XRCC4: variants seen among roughly 807,000 people sequenced by gnomAD.
The protein encoded by XRCC4 is X-ray repair cross complementing 4.
In XRCC4, 28 loss-of-function variants were observed where a neutral mutation model predicts 39.1. The observed-to-expected ratio is 0.72, with a 90% CI of 0.53 to 0.98. XRCC4 has a LOEUF of 0.98. Among genes scored for constraint, XRCC4 ranks in the 50% least tolerant of loss-of-function variants. XRCC4 has a pLI of 0.00. For synonymous variants in XRCC4, 123 were observed against 126.4 expected (o/e 0.97, Z 0.18); for missense variants, 350 against 376.4 (o/e 0.93, Z 0.58).
At chr5:83,193,772 C>A (rs901181968) in intron 3 of XRCC4, among the ~76,000 whole-genome samples, 8 of 152,152 alleles carry the variant, frequency 5.3e-5, no homozygotes, top group Non-Finnish European at 1.0e-4. Flanking sequence ...AGCTACCTGA[C>A]AATTGTTAAA....
At chr5:83,278,671 C>A (rs965018321) in intron 7 of XRCC4, among the ~76,000 whole-genome samples, 1 of 151,934 alleles carries the variant, frequency 6.6e-6, no homozygotes, top group African/African-American at 2.4e-5. Flanking sequence ...CTACTTCAGT[C>A]CTTATGTTGT....
At chr5:83,097,746 T>G (rs1745747324) in intron 1 of XRCC4, among the ~76,000 whole-genome samples, 2 of 152,152 alleles carry the variant, frequency 1.3e-5, no homozygotes, top group South Asian at 4.1e-4. Flanking sequence ...TCTCTTCTCT[T>G]CAGTTCTGTT....
At chr5:83,356,848 G>T, downstream of XRCC4, 1 of 331,106 alleles carries the variant, frequency 3.0e-6, no homozygotes, top group Non-Finnish European at 6.1e-6. Context: ...ATTTCTGAAG[G>T]TTTTTTCATC....
At chr5:83,149,520 T>G (rs556337509) in intron 3 of XRCC4, among the ~76,000 whole-genome samples, 1 of 152,262 alleles carries the variant, frequency 6.6e-6, no homozygotes, top group South Asian at 2.1e-4. Context: ...TTTTCTAGTG[T>G]TGTTAATTAT....
chr5:83,202,273 A>G (rs1386367038), intron 4 of XRCC4: 1 of 152,214 alleles, frequency 6.6e-6, no homozygotes, highest in African/African-American at 2.4e-5. Context: ...TTGTCTAATA[A>G]GAACCTACCA....
the XRCC4 span, among the ~76,000 whole-genome samples, chr5:83,368,874 A>G: frequency 2.0e-5 from 3 of 152,326 alleles, no homozygotes; most frequent in African/African-American, 7.2e-5. Flanking sequence ...TAGAATGGAT[A>G]GAGACATAGA....
At chr5:83,298,498 T>TATC (rs1271062828) in intron 7 of XRCC4, among the ~76,000 whole-genome samples, 1 of 151,992 alleles carries the variant, frequency 6.6e-6, no homozygotes, top group East Asian at 1.9e-4. Context: ...CTCATGTTTT[T>TATC]ATCTCAGTCT....
At chr5:83,254,094 T>C (rs1475853533) in intron 6 of XRCC4, among the ~76,000 whole-genome samples, 5 of 149,368 alleles carry the variant, frequency 3.3e-5, no homozygotes, top group East Asian at 3.9e-4. Context: ...TTTTTTTTTT[T>C]CTTTTGTCTT....
At chr5:83,308,334 G>T (rs975098525) in intron 7 of XRCC4, among the ~76,000 whole-genome samples, 3 of 152,130 alleles carry the variant, frequency 2.0e-5, no homozygotes, top group African/African-American at 7.2e-5. Context: ...CAAGCACATG[G>T]ATGGAGAGAA....
intron 3 of XRCC4, among the ~76,000 whole-genome samples, chr5:83,164,429 T>G (rs1355962479): frequency 6.6e-6 from 1 of 152,192 alleles, no homozygotes; most frequent in East Asian, 1.9e-4. Flanking sequence ...CATTTACAGT[T>G]TGGGACCTAA....
In XRCC4 at chr5:83,155,638, C is replaced by T. The variant is rs560457568; in HGVS notation, c.316-40132C>T. Among the ~76,000 whole-genome samples the T allele has an allele frequency of 7.2e-5, 11 of 152,092 alleles. No homozygotes were observed. In the South Asian group the frequency reaches 2.3e-3, roughly 32 times the overall value. On this transcript the variant is annotated intron_variant, in intron 3 of 7. Coordinates refer to ENST00000396027, the MANE Select transcript of XRCC4 (RefSeq NM_003401.5). ...TGGATGATGTGTACACATTTTTCCA[C>T]TGTATTGAAAAATGCACCTAAAATA...
intron 7 of XRCC4, among the ~76,000 whole-genome samples, chr5:83,277,966 A>T (rs1754393934): frequency 6.6e-6 from 1 of 152,246 alleles, no homozygotes; most frequent in Non-Finnish European, 1.5e-5. Context: ...AGCATTTAAT[A>T]TTTTGTTTAA....
rs532559276 is a variant in XRCC4 at position 83,113,915 on chromosome 5, C to T, written c.315+2712C>T. 1.1e-4 allele frequency among the ~76,000 whole-genome samples: 16 copies of T among 152,320 alleles called. 1 individual carries two copies. Among genetic ancestry groups the T allele is most frequent in the Middle Eastern group, 3.4e-3 (1 of 294 alleles). On this transcript the variant is annotated intron_variant, in intron 3 of 7. Coordinates refer to ENST00000396027, the MANE Select transcript of XRCC4 (RefSeq NM_003401.5). ...TGCTGGGATTACAGGCGTGAGCCAC[C>T]GCACCCAGCGCAGACATTTCTATAC...
At chr5:83,301,489 G>C (rs1755284081) in intron 7 of XRCC4, among the ~76,000 whole-genome samples, 1 of 152,102 alleles carries the variant, frequency 6.6e-6, no homozygotes, top group Non-Finnish European at 1.5e-5. Flanking sequence ...TTGTCAGATG[G>C]ATAGACTGCA....
chr5:83,337,172 G>A (rs1162991990), intron 7 of XRCC4, among the ~76,000 whole-genome samples: 4 of 151,954 alleles, frequency 2.6e-5, no homozygotes, highest in Admixed American at 6.6e-5. Flanking sequence ...GAGGATTTTT[G>A]GTAAATTTAT....
intron 7 of XRCC4, among the ~76,000 whole-genome samples, chr5:83,329,082 T>G (rs1328531721): frequency 1.3e-5 from 2 of 152,136 alleles, no homozygotes; most frequent in South Asian, 2.1e-4. Context: ...GCAAGTTGAT[T>G]TTTTATTTAA....
chr5:83,105,498 G>A (rs978858570), intron 2 of XRCC4, among the ~76,000 whole-genome samples: 13 of 152,082 alleles, frequency 8.5e-5, no homozygotes, highest in African/African-American at 3.1e-4. Flanking sequence ...TATTACATTT[G>A]TAACAAAACA....
chr5:83,213,349 C>A (rs1751727952), intron 6 of XRCC4, among the ~76,000 whole-genome samples: 1 of 151,770 alleles, frequency 6.6e-6, no homozygotes, highest in Non-Finnish European at 1.5e-5. Flanking sequence ...AATATAAATA[C>A]ATATTTTCTT....
At chr5:83,112,550 T>G (rs1381220080) in intron 3 of XRCC4, among the ~76,000 whole-genome samples, 1 of 152,224 alleles carries the variant, frequency 6.6e-6, no homozygotes, top group Non-Finnish European at 1.5e-5. Flanking sequence ...AGACGGGGCT[T>G]GGTACAGTTG....
Sources: gnomAD v4.1 joint callset for allele counts (sites outside exome capture counted in the v4.1 genomes callset) on GRCh38, gnomAD v4.1.1 for gene constraint, MANE v1.5 for transcripts, NCBI Gene and HGNC (gene_info 2026-07-23, HGNC 2026-07-21) for gene names.